MTUS1: variants seen among roughly 807,000 people sequenced by gnomAD.
MTUS1 encodes the protein microtubule associated scaffold protein 1.
In MTUS1, 109 loss-of-function variants were observed where a neutral mutation model predicts 120.8. The observed-to-expected ratio is 0.90, with a 90% CI of 0.77 to 1.06. The LOEUF is 1.06. Among genes scored for constraint, MTUS1 ranks in the 50% least tolerant of loss-of-function variants. MTUS1 has a pLI of 0.00. For missense variants in MTUS1, 2,210 were observed against 1,486.3 expected (o/e 1.49, Z -8.01); for synonymous variants, 737 against 550.5 (o/e 1.34, Z -4.74).
intron 1 of MTUS1, among the ~76,000 whole-genome samples, chr8:17,769,882 AC>A: frequency 1.4e-3 from 1 of 716 alleles, no homozygotes; most frequent in African/African-American, 7.9e-3. Context: ...CTCTTTGCTT[AC>A]ACACACACAC....
chr8:17,720,268 C>A (rs1026338307), intron 4 of MTUS1, among the ~76,000 whole-genome samples: 3 of 151,822 alleles, frequency 2.0e-5, no homozygotes, highest in African/African-American at 7.3e-5. Context: ...TTGCTTGAAC[C>A]CGGGAGGCAG....
intron 6 of MTUS1, among the ~76,000 whole-genome samples, chr8:17,696,508 T>C (rs1255886983): frequency 6.6e-6 from 1 of 152,162 alleles, no homozygotes; most frequent in African/African-American, 2.4e-5. Flanking sequence ...TTTTACAGAA[T>C]AAAACTGATT....
In MTUS1 at chr8:17,675,090, G is replaced by A. The variant is rs1812809263; in HGVS notation, c.2905+96C>T. The A allele has an allele frequency of 1.9e-6, 3 of 1,581,572 alleles. No homozygotes were observed. In the African/African-American group the frequency reaches 4.1e-5, roughly 21 times the overall value. On this transcript the variant is annotated intron_variant, in intron 8 of 14. Transcript: ENST00000693296. ...AGACAGGGAGTGCCAACAGCTCCCA[G>A]CATGCAACTCCAGCCACAACGCAGA...
chr8:17,784,782 A>G (rs981569924), intron 1 of MTUS1, among the ~76,000 whole-genome samples: 1 of 115,036 alleles, frequency 8.7e-6, no homozygotes, highest in Non-Finnish European at 2.0e-5. Flanking sequence ...TTTTATAACA[A>G]GAAGAACTTT....
intron 8 of MTUS1, among the ~76,000 whole-genome samples, chr8:17,667,525 C>T (rs1811158170): frequency 6.6e-6 from 1 of 152,188 alleles, no homozygotes; most frequent in African/African-American, 2.4e-5. Flanking sequence ...GTTGATTAGG[C>T]AATGTGTATA....
chr8:17,769,819 T>C (rs1286714101), intron 1 of MTUS1, among the ~76,000 whole-genome samples: 1 of 149,800 alleles, frequency 6.7e-6, no homozygotes, highest in Non-Finnish European at 1.5e-5. Flanking sequence ...TCATTTTAAA[T>C]CATAAGCACT....
intron 1 of MTUS1, chr8:17,800,592 G>A (rs1446173265): frequency 6.6e-6 from 1 of 152,156 alleles, no homozygotes; most frequent in Non-Finnish European, 1.5e-5. Flanking sequence ...TAGTCAATAA[G>A]GTCACCTTAA....
intron 1 of MTUS1, among the ~76,000 whole-genome samples, chr8:17,768,411 T>G (rs1036745613): frequency 3.3e-5 from 5 of 152,210 alleles, no homozygotes; most frequent in African/African-American, 1.2e-4. Flanking sequence ...AGACAGATAC[T>G]AGTTTAATTA....
At chr8:17,673,426 C>T (rs1812426868) in intron 8 of MTUS1, among the ~76,000 whole-genome samples, 1 of 152,166 alleles carries the variant, frequency 6.6e-6, no homozygotes, top group African/African-American at 2.4e-5. Flanking sequence ...TTGGCCTCAC[C>T]TCCCACTGGA....
At chr8:17,733,973 A>G (rs1473373679) in intron 3 of MTUS1, among the ~76,000 whole-genome samples, 1 of 152,234 alleles carries the variant, frequency 6.6e-6, no homozygotes, top group Non-Finnish European at 1.5e-5. Flanking sequence ...ACTCTATTAC[A>G]TTATATAATC....
At chr8:17,668,047 T>C (rs1186344284) in intron 8 of MTUS1, among the ~76,000 whole-genome samples, 1 of 152,190 alleles carries the variant, frequency 6.6e-6, no homozygotes, top group Non-Finnish European at 1.5e-5. Flanking sequence ...TATAAAAAGA[T>C]GAGAGTTAGC....
chr8:17,742,106 C>T (rs1402320532), intron 3 of MTUS1, among the ~76,000 whole-genome samples: 1 of 151,922 alleles, frequency 6.6e-6, no homozygotes, highest in Admixed American at 6.6e-5. Flanking sequence ...TCTTCACCAC[C>T]AAGGGACAGG....
At chr8:17,750,864 C>A (rs779000250) in intron 2 of MTUS1, among the ~76,000 whole-genome samples, 2 of 152,136 alleles carry the variant, frequency 1.3e-5, no homozygotes, top group Non-Finnish European at 2.9e-5. Context: ...CTACATCTAG[C>A]CCCGTTTCAA....
chr8:17,719,886 AACAATGAGG>A (rs1563262744), intron 4 of MTUS1, among the ~76,000 whole-genome samples: 1 of 152,230 alleles, frequency 6.6e-6, no homozygotes, highest in Non-Finnish European at 1.5e-5. Context: ...CATCCTGCCA[AACAATGAGG>A]CCCTGTCTTA....
In MTUS1 at chr8:17,752,006, C is replaced by A. The variant is rs567662329; in HGVS notation, c.2091+1711G>T. Reference sequence around the variant, plus strand: ...AATTATGAATCCTAACAGCCAGATTCCTGAGGCGAAAAGTGCTGTTTCTCC... The same window carrying A: ...AATTATGAATCCTAACAGCCAGATTACTGAGGCGAAAAGTGCTGTTTCTCC... On this transcript the variant is annotated intron_variant, in intron 2 of 14. Coordinates refer to ENST00000693296, the MANE Select transcript of MTUS1 (RefSeq NM_001363059.2). 5.9e-5 allele frequency among the ~76,000 whole-genome samples: 9 copies of A among 152,064 alleles called. No individual in the cohort carries two copies. The East Asian group carries it at 1.7e-3, about 29-fold the overall frequency.
chr8:17,757,380 G>A (rs2048704595), intron 1 of MTUS1, among the ~76,000 whole-genome samples: 1 of 152,202 alleles, frequency 6.6e-6, no homozygotes, highest in East Asian at 1.9e-4. Context: ...TAATTGGGAT[G>A]ACGTTTCTTT....
In MTUS1 at chr8:17,649,349, C is replaced by T. The variant is rs182668889; in HGVS notation, c.3501+497G>A. 2.2e-3 allele frequency among the ~76,000 whole-genome samples: 339 copies of T among 152,272 alleles called. 1 individual carries two copies. Among genetic ancestry groups the T allele is most frequent in the African/African-American group, 7.7e-3 (320 of 41,568 alleles). Reference sequence around the variant, plus strand: ...CTGGCATTAGAGGAATGAGCCACTGCGCCCAGCCCACGATTCTTTTATCAC... The same window carrying T: ...CTGGCATTAGAGGAATGAGCCACTGTGCCCAGCCCACGATTCTTTTATCAC... On this transcript the variant is annotated intron_variant, in intron 13 of 14. Coordinates refer to ENST00000693296, the MANE Select transcript of MTUS1 (RefSeq NM_001363059.2).
intron 6 of MTUS1, among the ~76,000 whole-genome samples, chr8:17,703,762 C>T (rs899273138): frequency 6.6e-6 from 1 of 152,104 alleles, no homozygotes; most frequent in Non-Finnish European, 1.5e-5. Context: ...GCTCTCAAAT[C>T]CTGTTTTCTG....
Position 17,754,578 on chromosome 8 carries a change from T to A in MTUS1, c.1230A>T (p.Gly410=), listed in dbSNP as rs371175925. 4.8e-5 allele frequency: 77 copies of A among 1,614,210 alleles called. No homozygotes were observed. The African/African-American group carries it at 9.3e-4, about 20-fold the overall frequency. The change falls in exon 2 of 15, where the codon GGA becomes GGT. Residue 410 remains glycine (G), a synonymous_variant. Transcript: ENST00000693296. ...CCATATCATTTGCATCCCAAGTCAG[T>A]CCAAATGACGAGCCCACCTTTTGTC... ...PPGQKVGSSF[G]LTWDANDMVI... is the part of the protein sequence containing the mutation.
Sources: gnomAD v4.1 joint callset for allele counts (sites outside exome capture counted in the v4.1 genomes callset) on GRCh38, gnomAD v4.1.1 for gene constraint, MANE v1.5 for transcripts, NCBI Gene and HGNC (gene_info 2026-07-23, HGNC 2026-07-21) for gene names.